NAV2: variants seen among roughly 807,000 people sequenced by gnomAD.
The protein encoded by NAV2 is neuron navigator 2.
NAV2 carries 54 observed loss-of-function variants against 223.2 expected under a neutral mutation model. The observed-to-expected ratio is 0.24, with a 90% CI of 0.19 to 0.30. The LOEUF (loss-of-function observed/expected upper bound fraction) is 0.30, where lower values mean the gene tolerates loss of function less well. NAV2 is among the 10% of genes least tolerant of loss of function. NAV2 has a pLI of 1.00. For synonymous variants in NAV2, 1,279 were observed against 1,239.3 expected (o/e 1.03, Z -0.67); for missense variants, 2,806 against 3,147.5 (o/e 0.89, Z 2.60).
intron 11 of NAV2, among the ~76,000 whole-genome samples, chr11:20,013,564 C>T (rs1030294390): frequency 2.6e-5 from 4 of 151,890 alleles, no homozygotes; most frequent in Admixed American, 2.0e-4. Flanking sequence ...CCTATAAACT[C>T]AGAAGGGAAA....
chr11:19,566,031 G>GCTTTTATTTTATTTTATTTT (rs1230889887), intron 1 of NAV2, among the ~76,000 whole-genome samples: 1 of 138,494 alleles, frequency 7.2e-6, no homozygotes, highest in Non-Finnish European at 1.6e-5. Flanking sequence ...TATCCAAGGA[G>GCTTTTATTTTATTTTATTTT]ATTTTATTTT....
At chr11:19,996,143 G>C (rs1370742240) in intron 11 of NAV2, among the ~76,000 whole-genome samples, 1 of 152,216 alleles carries the variant, frequency 6.6e-6, no homozygotes, top group African/African-American at 2.4e-5. Context: ...CAAAGCCACA[G>C]TGCTATAAGG....
chr11:20,108,277 T>C (rs570821209), intron 36 of NAV2, among the ~76,000 whole-genome samples: 28 of 152,226 alleles, frequency 1.8e-4, no homozygotes, highest in African/African-American at 6.5e-4. Context: ...AAGGGAAGCT[T>C]GAAAGGTCTG....
chr11:19,998,640 C>T lies in NAV2; in HGVS notation c.2768+14393C>T, dbSNP rs1050177882. ...TCCTGCCTTCATCCATTCCCCTGGA[C>T]GTGCCGGATCTTCTCTTTCGTCAGA... On this transcript the variant is annotated intron_variant, in intron 11 of 37. Coordinates refer to ENST00000349880, the MANE Select transcript of NAV2 (RefSeq NM_145117.5). This position sits in a 1 kb window ranked among gnomAD's most constrained non-coding sequence, Gnocchi z 5.0. Among the ~76,000 whole-genome samples the T allele has an allele frequency of 5.3e-5, 8 of 152,246 alleles. No homozygotes were observed. The highest frequency in any genetic ancestry group is 4.1e-4 in the South Asian group (2 of 4,828).
intron 1 of NAV2, among the ~76,000 whole-genome samples, chr11:19,584,614 T>C (rs11517563): frequency 0.19 from 28,554 of 152,182 alleles, 3,347 homozygotes; most frequent in African/African-American, 0.33. Flanking sequence ...ACATCTTTAT[T>C]TCTGCCTTCA....
At chr11:20,051,528 G>A (rs986394435) in intron 17 of NAV2, among the ~76,000 whole-genome samples, 195 bp downstream of exon 17, 2 of 152,156 alleles carry the variant, frequency 1.3e-5, no homozygotes, top group Non-Finnish European at 2.9e-5. Flanking sequence ...ATTTGCTTGA[G>A]CAGGGGCTGT....
In NAV2 at chr11:20,083,176, C is replaced by T. The variant is rs778664920; in HGVS notation, c.5495C>T (p.Ser1832Phe). The T allele has an allele frequency of 6.2e-6, 10 of 1,611,656 alleles. No individual in the cohort carries two copies. The African/African-American group carries it at 1.3e-4, about 22-fold the overall frequency. Residue 1832 changes from serine to phenylalanine, a missense_variant, in exon 26 of 38, where the codon TCT becomes TTT. Ser to Phe is a radical substitution (Grantham distance 155). Around this residue, in one of 4 missense-constraint regions of NAV2, gnomAD observed 824 missense variants for 1,069.4 expected, o/e 0.77. Transcript: ENST00000349880. ...CTGCTGAGGAATTCTCACTCCAACT[C>T]TCTGTAAGTCTGTCTGTCTAGTCAG... is the stretch of plus-strand genomic sequence containing the variant. ...TPLLRNSHSN[S>F]LISECMDSEA...
At chr11:19,787,457 G>A (rs947567426) in intron 1 of NAV2, among the ~76,000 whole-genome samples, 2 of 151,848 alleles carry the variant, frequency 1.3e-5, no homozygotes, top group African/African-American at 2.4e-5. Flanking sequence ...TCATCTAAAG[G>A]CTGTAGATTA....
chr11:19,484,243 C>T (rs1190633526), intron 1 of NAV2, among the ~76,000 whole-genome samples: 2 of 152,014 alleles, frequency 1.3e-5, no homozygotes, highest in Non-Finnish European at 2.9e-5. Context: ...TGTGCTGCTT[C>T]CTATCTTGAG....
At chr11:19,800,524 CCT>C (rs777866731) in intron 1 of NAV2, among the ~76,000 whole-genome samples, 8 of 152,120 alleles carry the variant, frequency 5.3e-5, no homozygotes, top group Non-Finnish European at 8.8e-5. Flanking sequence ...CAAAAAAATC[CCT>C]CTCTTGACCA....
At chr11:19,762,353 A>T (rs1022394235) in intron 1 of NAV2, among the ~76,000 whole-genome samples, 1 of 152,098 alleles carries the variant, frequency 6.6e-6, no homozygotes, top group African/African-American at 2.4e-5. Context: ...AAAGATCCAA[A>T]TCCCTACAAT....
chr11:19,622,443 T>C (rs2047026351), intron 1 of NAV2, among the ~76,000 whole-genome samples: 1 of 152,242 alleles, frequency 6.6e-6, no homozygotes, highest in Non-Finnish European at 1.5e-5. Context: ...GGTGCTCCTG[T>C]ATTGGGTTGG....
chr11:19,797,507 C>G (rs573121043), intron 1 of NAV2, among the ~76,000 whole-genome samples: 2 of 152,266 alleles, frequency 1.3e-5, no homozygotes, highest in African/African-American at 4.8e-5. Context: ...CATTCATTCT[C>G]TCTTTTTCTT....
At chr11:20,043,514 C>T (rs541388717) in intron 12 of NAV2, among the ~76,000 whole-genome samples, 9 of 152,270 alleles carry the variant, frequency 5.9e-5, no homozygotes, top group African/African-American at 9.6e-5. Flanking sequence ...GGTGCGGTCA[C>T]GGCTTACTGC....
chr11:19,452,749 G>C (rs1439448118), intron 1 of NAV2, among the ~76,000 whole-genome samples: 1 of 152,088 alleles, frequency 6.6e-6, no homozygotes, highest in African/African-American at 2.4e-5. Flanking sequence ...TTTGAATACT[G>C]TATTCAAAGT....
At chr11:19,945,168 TTCC>T (rs1565615114) in intron 8 of NAV2, among the ~76,000 whole-genome samples, 5 of 47,002 alleles carry the variant, frequency 1.1e-4, no homozygotes, top group Admixed American at 8.8e-4. Flanking sequence ...TTCCCTTCCC[TTCC>T]CTTCCCTTCC....
intron 1 of NAV2, among the ~76,000 whole-genome samples, chr11:19,558,663 T>G (rs143330064): frequency 2.4e-4 from 37 of 152,348 alleles, no homozygotes; most frequent in African/African-American, 8.7e-4. Context: ...CATTTTCACT[T>G]AACACCCTCC....
At chr11:20,069,364 C>T (rs184197893) in intron 22 of NAV2, among the ~76,000 whole-genome samples, 14 of 152,124 alleles carry the variant, frequency 9.2e-5, no homozygotes, top group African/African-American at 3.4e-4. Flanking sequence ...AAGAAGGCAG[C>T]GAAGAAAGCC....
chr11:19,715,479 G>T (rs924070136), intron 1 of NAV2, among the ~76,000 whole-genome samples: 1 of 152,102 alleles, frequency 6.6e-6, no homozygotes, highest in Non-Finnish European at 1.5e-5. Flanking sequence ...GTGGGCAGTC[G>T]GTGGGAGGTC....
Sources: gnomAD v4.1 joint callset for allele counts (sites outside exome capture counted in the v4.1 genomes callset) on GRCh38, gnomAD v4.1.1 for gene constraint, gnomAD v4.1.1 regional missense constraint, Gnocchi (gnomAD v3.1) non-coding constraint, MANE v1.5 for transcripts, NCBI Gene and HGNC (gene_info 2026-07-23, HGNC 2026-07-21) for gene names.